The following SULF2 variants were observed in gnomAD, a reference collection of about 807,000 sequenced individuals.
SULF2 encodes sulfatase 2.
SULF2 carries 52 observed loss-of-function variants against 107.7 expected under a neutral mutation model. That is an observed-to-expected ratio of 0.48 (90% CI 0.39 to 0.61). SULF2 has a LOEUF of 0.61. Among genes scored for constraint, SULF2 ranks in the 20% least tolerant of loss-of-function variants. The pLI is 0.00. For synonymous variants in SULF2, 460 were observed against 464.3 expected, an observed-to-expected ratio of 0.99 and a Z score of 0.12; for missense variants, 993 against 1,177.3, an observed-to-expected ratio of 0.84 and a Z score of 2.29.
At chr20:47,695,644 C>T (rs561926589) in intron 4 of SULF2, among the ~76,000 whole-genome samples, 4 of 152,328 alleles carry the variant, frequency 2.6e-5, no homozygotes, top group South Asian at 2.1e-4. Flanking sequence ...GACAGAGTCT[C>T]GCTCTGTCGG....
intron 7 of SULF2, among the ~76,000 whole-genome samples, chr20:47,682,589 G>T (rs2087861658): frequency 6.6e-6 from 1 of 152,204 alleles, no homozygotes; most frequent in African/African-American, 2.4e-5. Flanking sequence ...GCCCAGAGTT[G>T]GCTCAGCTGA....
Position 47,677,130 on chromosome 20 carries a change from G to C in SULF2, c.1198C>G (p.His400Asp), listed in dbSNP as rs755737145. 6.2e-7 allele frequency: 1 copy of C among 1,613,340 alleles called. No individual in the cohort carries two copies. Among genetic ancestry groups the C allele is most frequent in the Non-Finnish European group, 8.5e-7 (1 of 1,179,872 alleles). The change falls in exon 9 of 21, where the codon CAC becomes GAC. Residue 400 changes from histidine to aspartate, a missense_variant. Transcript: ENST00000688720. ...LDTERPVNRF[H>D]LKKKMRVWRD... ...CAGACCCTCATCTTCTTTTTCAAGT[G>C]AAACCTGGAAAAAAGCACGGCTCCT...
intron 2 of SULF2, among the ~76,000 whole-genome samples, chr20:47,748,518 C>T (rs1317270705): frequency 6.6e-6 from 1 of 152,222 alleles, no homozygotes; most frequent in Non-Finnish European, 1.5e-5. Flanking sequence ...AGCTAGGAAA[C>T]ATTTCCCAGA....
intron 1 of SULF2, among the ~76,000 whole-genome samples, chr20:47,765,356 A>AC (rs201521109): frequency 0.03 from 3,963 of 133,384 alleles, 183 homozygotes; most frequent in African/African-American, 0.1. Flanking sequence ...TGCCTTAAAA[A>AC]AAAACAAAAC....
intron 2 of SULF2, among the ~76,000 whole-genome samples, chr20:47,756,206 C>T (rs753363803): frequency 6.6e-6 from 1 of 152,108 alleles, no homozygotes; most frequent in African/African-American, 2.4e-5. Context: ...CTTCAAGAAA[C>T]GAAACACACC....
chr20:47,728,573 G>A (rs1373415170), intron 3 of SULF2, among the ~76,000 whole-genome samples: 1 of 152,154 alleles, frequency 6.6e-6, no homozygotes, highest in Non-Finnish European at 1.5e-5. Flanking sequence ...CCTACGATGG[G>A]GTGGGCACTC....
intron 3 of SULF2, among the ~76,000 whole-genome samples, chr20:47,721,504 G>A (rs1241196271): frequency 6.6e-6 from 1 of 152,120 alleles, no homozygotes; most frequent in East Asian, 1.9e-4. Context: ...CAGTACCTGG[G>A]ACTACAGGCA....
intron 2 of SULF2, among the ~76,000 whole-genome samples, chr20:47,741,662 G>A (rs572728015): frequency 1.3e-5 from 2 of 152,184 alleles, no homozygotes; most frequent in Non-Finnish European, 2.9e-5. Context: ...GGCACCCCAA[G>A]TGGAATCGAT....
chr20:47,669,386 T>C (rs1166040545), intron 11 of SULF2, among the ~76,000 whole-genome samples: 2 of 152,240 alleles, frequency 1.3e-5, no homozygotes, highest in South Asian at 2.1e-4. Flanking sequence ...AACTCTGTGG[T>C]GGGGGCCGTC....
chr20:47,785,451 T>C lies in SULF2; in HGVS notation c.-209A>G, dbSNP rs907107606. 1,093 of 147,636 alleles carry C rather than the reference T, an allele frequency of 7.4e-3. 19 individuals carry two copies. The highest frequency in any genetic ancestry group is 0.03 in the African/African-American group (1,029 of 34,804). 9.1% of individuals were successfully genotyped at this position (147,636 alleles called of 1,614,324 possible). On this transcript the variant is annotated 5_prime_UTR_variant, in exon 1 of 21. Transcript: ENST00000688720. ...GGGGACTCCGCGCCGCCGCTGCCGC[T>C]GCCGCCGCCGCCGCCGCCGCTGCCG...
upstream of SULF2, chr20:47,786,036 A>G (rs1299345744): frequency 6.6e-6 from 1 of 151,970 alleles, no homozygotes; most frequent in Non-Finnish European, 1.5e-5. Context: ...GGACACACAG[A>G]CGCACACTCA....
intron 3 of SULF2, among the ~76,000 whole-genome samples, chr20:47,708,420 G>A (rs2088818081): frequency 1.3e-5 from 2 of 152,180 alleles, no homozygotes; most frequent in African/African-American, 4.8e-5. Context: ...AGATCCCATA[G>A]GGTCCTGGAG....
intron 1 of SULF2, among the ~76,000 whole-genome samples, chr20:47,783,282 T>C (rs1439746937): frequency 1.3e-5 from 2 of 152,240 alleles, no homozygotes; most frequent in Admixed American, 6.5e-5. Context: ...GGACTCCTTC[T>C]GCAGGACTAA....
chr20:47,663,417 C>A, intron 16 of SULF2, 36 bp downstream of exon 16: 1 of 1,603,424 alleles, frequency 6.2e-7, no homozygotes, highest in East Asian at 2.2e-5. Context: ...AACCCCTGGG[C>A]CTCAGCCTGT....
chr20:47,671,786 G>T (rs968152483), intron 11 of SULF2, among the ~76,000 whole-genome samples: 15 of 152,042 alleles, frequency 9.9e-5, no homozygotes, highest in Admixed American at 2.6e-4. Flanking sequence ...ACAATCTCGG[G>T]TCACTGCAGC....
chr20:47,673,275 C>G (rs2087534869), intron 10 of SULF2, among the ~76,000 whole-genome samples: 1 of 152,222 alleles, frequency 6.6e-6, no homozygotes, highest in South Asian at 2.1e-4. Context: ...TGGGTCAGAT[C>G]TGTTCCCTGT....
intron 3 of SULF2, among the ~76,000 whole-genome samples, chr20:47,703,320 T>A (rs1362247478): frequency 6.6e-6 from 1 of 152,270 alleles, no homozygotes; most frequent in African/African-American, 2.4e-5. Flanking sequence ...TTTCTACAGA[T>A]GACAAAGCTA....
chr20:47,784,581 G>T (rs978844105), intron 1 of SULF2, among the ~76,000 whole-genome samples: 4 of 152,082 alleles, frequency 2.6e-5, no homozygotes, highest in African/African-American at 9.7e-5. Context: ...CCCTCCCAGT[G>T]AACCGGCAGC....
intron 1 of SULF2, among the ~76,000 whole-genome samples, chr20:47,768,477 T>TG (rs551358223): frequency 1.4e-3 from 214 of 152,312 alleles, no homozygotes; most frequent in African/African-American, 5.1e-3. Flanking sequence ...GAACCCAAAT[T>TG]GGGGGGCGGG....
Sources: gnomAD v4.1 joint callset for allele counts (sites outside exome capture counted in the v4.1 genomes callset) on GRCh38, gnomAD v4.1.1 for gene constraint, MANE v1.5 for transcripts, NCBI Gene and HGNC (gene_info 2026-07-23, HGNC 2026-07-21) for gene names.